Variants in AK8 observed in about 807,000 individuals in gnomAD.
AK8 encodes the protein ATP-AMP transphosphorylase 8.
AK8 carries 44 observed loss-of-function variants against 54.6 expected under a neutral mutation model. The observed-to-expected ratio is 0.81, with a 90% CI of 0.63 to 1.04. AK8 has a LOEUF of 1.04. Ranked by LOEUF, AK8 falls within the 50% of genes least tolerant of loss-of-function variation. The pLI is 0.00. For missense variants in AK8, 555 were observed against 613.6 expected (o/e 0.90, Z 1.01); for synonymous variants, 239 against 245.6 (o/e 0.97, Z 0.25).
At chr9:132,786,358 A>G (rs1839706342) in intron 11 of AK8, among the ~76,000 whole-genome samples, 1 of 152,224 alleles carries the variant, frequency 6.6e-6, no homozygotes, top group Admixed American at 6.5e-5. Flanking sequence ...AATGCCAAGC[A>G]CAGTTGAGAG....
chr9:132,833,322 G>C (rs1418091251), intron 5 of AK8, among the ~76,000 whole-genome samples: 4 of 152,234 alleles, frequency 2.6e-5, no homozygotes, highest in Admixed American at 2.6e-4. Context: ...TTCTGGCAAA[G>C]CAAGAAGTCA....
At chr9:132,856,128 A>G (rs997482203) in intron 4 of AK8, among the ~76,000 whole-genome samples, 6 of 152,132 alleles carry the variant, frequency 3.9e-5, no homozygotes, top group African/African-American at 1.4e-4. Flanking sequence ...CTTTCCTTGT[A>G]GTGCACAACA....
chr9:132,838,773 C>T (rs796991187), intron 5 of AK8, among the ~76,000 whole-genome samples: 19 of 152,238 alleles, frequency 1.2e-4, no homozygotes, highest in African/African-American at 4.6e-4. Flanking sequence ...CTGTTCTGAG[C>T]CACCTAGAAC....
Position 132,791,322 on chromosome 9 carries a change from C to T in AK8, c.1121+1312G>A, listed in dbSNP as rs938043117. 1.8e-4 allele frequency among the ~76,000 whole-genome samples: 27 copies of T among 152,070 alleles called. No individual in the cohort carries two copies. The highest frequency in any genetic ancestry group is 2.9e-4 in the African/African-American group (12 of 41,400). ...ATCATGAGAACAGCATGGAGGAAAC[C>T]GCCCCCATGATCCGATCACCTCTCA... On this transcript the variant is annotated intron_variant, in intron 11 of 12. Coordinates refer to ENST00000298545, the MANE Select transcript of AK8 (RefSeq NM_152572.3). This position sits in a 1 kb window ranked among gnomAD's most constrained non-coding sequence, Gnocchi z 4.0.
intron 5 of AK8, among the ~76,000 whole-genome samples, chr9:132,834,742 G>A (rs1424393834): frequency 6.6e-6 from 1 of 152,138 alleles, no homozygotes; most frequent in Non-Finnish European, 1.5e-5. Context: ...AATGATACAT[G>A]CGTGGTATTT....
chr9:132,792,294 T>A (rs776282399), intron 11 of AK8, among the ~76,000 whole-genome samples: 1 of 152,110 alleles, frequency 6.6e-6, no homozygotes, highest in Non-Finnish European at 1.5e-5. Context: ...CAAATAAATA[T>A]CAGCTGCACC....
chr9:132,809,320 A>T (rs186710859), intron 10 of AK8, among the ~76,000 whole-genome samples: 38 of 152,266 alleles, frequency 2.5e-4, no homozygotes, highest in Admixed American at 3.3e-4. Flanking sequence ...CTCCAGTTTC[A>T]GGAGGCAGGG....
At chr9:132,753,585 G>A (rs1390729102) in intron 11 of AK8, among the ~76,000 whole-genome samples, 2 of 152,228 alleles carry the variant, frequency 1.3e-5, no homozygotes, top group African/African-American at 4.8e-5. Context: ...GTAGGGAAGG[G>A]CCCCTGGCAC....
At chr9:132,853,810 T>TAAAAAAAAAAAAAAAAAAAAAAA (rs1843065733) in intron 5 of AK8, among the ~76,000 whole-genome samples, 3 of 94,130 alleles carry the variant, frequency 3.2e-5, no homozygotes, top group African/African-American at 7.3e-5. Flanking sequence ...AAAAAAAAAG[T>TAAAAAAAAAAAAAAAAAAAAAAA]AAACAGAGTG....
At chr9:132,785,002 T>C (rs143097302) in intron 11 of AK8, among the ~76,000 whole-genome samples, 82 of 151,912 alleles carry the variant, frequency 5.4e-4, no homozygotes, top group African/African-American at 1.8e-3. Context: ...CTGTGTATAA[T>C]AGACTGGCAC....
At chr9:132,751,872 G>A (rs771343461) in intron 11 of AK8, among the ~76,000 whole-genome samples, 93 of 151,548 alleles carry the variant, frequency 6.1e-4, no homozygotes, top group Non-Finnish European at 9.3e-4. Context: ...AAGGAGTCTC[G>A]CTCTGTCGCC....
At chr9:132,789,810 C>A (rs1051969631) in intron 11 of AK8, among the ~76,000 whole-genome samples, 1 of 151,950 alleles carries the variant, frequency 6.6e-6, no homozygotes, top group African/African-American at 2.4e-5. Context: ...TTTGAGCCAC[C>A]AATGCTGTGT....
At chr9:132,853,117 G>C (rs529141034) in intron 5 of AK8, among the ~76,000 whole-genome samples, 13 of 152,018 alleles carry the variant, frequency 8.6e-5, no homozygotes, top group Non-Finnish European at 1.6e-4. Context: ...AGCACTTTGG[G>C]AGGCCAAGGC....
At chr9:132,736,550 C>G (rs996710336) in intron 11 of AK8, among the ~76,000 whole-genome samples, 1 of 150,700 alleles carries the variant, frequency 6.6e-6, no homozygotes, top group African/African-American at 2.4e-5. Context: ...GTAATCCCAG[C>G]ACTTTGGGAG....
intron 8 of AK8, among the ~76,000 whole-genome samples, chr9:132,825,918 G>C (rs1564423818): frequency 6.6e-6 from 1 of 152,222 alleles, no homozygotes; most frequent in East Asian, 1.9e-4. Flanking sequence ...ATTTTGAGAC[G>C]ACTGGATTTT....
rs201193167 is a variant in AK8, at chr9:132,878,180, A to C, written c.76T>G (p.Leu26Val). The C allele has an allele frequency of 4.7e-5, 70 of 1,482,192 alleles. No homozygotes were observed. In the Admixed American group the frequency reaches 1.2e-3, roughly 25 times the overall value. 91.8% of individuals were successfully genotyped at this position (1,482,192 alleles called of 1,614,324 possible). Reference protein sequence around the residue: ...QYGEENHIFELMQNMLEQLLI... With the variant: ...QYGEENHIFEVMQNMLEQLLI... Reference sequence around the variant, plus strand: ...CAGGGGTGTCCGGTCACCTGCATCAACTCGAAGATGTGGTTCTCCTCCCCG... The same window carrying C: ...CAGGGGTGTCCGGTCACCTGCATCACCTCGAAGATGTGGTTCTCCTCCCCG... Residue 26 changes from leucine to valine, a missense_variant, in exon 1 of 13, where the codon TTG becomes GTG. Leu to Val is a conservative substitution (Grantham distance 32). Transcript: ENST00000298545. The surrounding 1 kb of genome is among the most constrained non-coding windows in gnomAD (Gnocchi z 4.7).
Position 132,857,628 on chromosome 9 carries a change from T to C in AK8, c.334-2703A>G, listed in dbSNP as rs535917820. 2.0e-5 allele frequency among the ~76,000 whole-genome samples: 3 copies of C among 152,298 alleles called. No individual in the cohort carries two copies. In the South Asian group the frequency reaches 6.2e-4, roughly 32 times the overall value. On this transcript the variant is annotated intron_variant, in intron 4 of 12. Transcript: ENST00000298545. The stretch of plus-strand genomic sequence containing the variant: ...CCATTCTGGGGCTGTTTTTCCCAGA[T>C]TCCTCTGCCCTCCCTGACAACACCC...
chr9:132,736,550 C>A (rs996710336), intron 11 of AK8, among the ~76,000 whole-genome samples: 3 of 150,700 alleles, frequency 2.0e-5, no homozygotes, highest in Admixed American at 2.0e-4. Context: ...GTAATCCCAG[C>A]ACTTTGGGAG....
At chr9:132,798,752 G>A (rs1840300528) in intron 10 of AK8, among the ~76,000 whole-genome samples, 1 of 151,658 alleles carries the variant, frequency 6.6e-6, no homozygotes, top group South Asian at 2.1e-4. Context: ...TTGACCTCCA[G>A]GTTATTAAAA....
Sources: allele counts gnomAD v4.1 joint callset (sites outside exome capture counted in the v4.1 genomes callset), GRCh38; gene constraint gnomAD v4.1.1; non-coding constraint Gnocchi (gnomAD v3.1); transcripts MANE v1.5; gene names NCBI Gene and HGNC (gene_info 2026-07-23, HGNC 2026-07-21).